Variants in KRT74 observed in about 807,000 individuals in gnomAD.
The protein encoded by KRT74 is keratin 74, also known as keratin, type II cytoskeletal 74.
Under a neutral mutation model 42.7 loss-of-function variants are expected in KRT74, and 43 were observed. That is an observed-to-expected ratio of 1.01 (90% CI 0.79 to 1.30). The LOEUF (loss-of-function observed/expected upper bound fraction) is 1.30, where lower values mean the gene tolerates loss of function less well. Ranked by LOEUF, KRT74 falls within the 50% of genes most tolerant of loss-of-function variation. The pLI is 0.00. For missense variants in KRT74, 736 were observed against 689.1 expected, an observed-to-expected ratio of 1.07 and a Z score of -0.76; for synonymous variants, 302 against 279.0, an observed-to-expected ratio of 1.08 and a Z score of -0.82.
chr12:52,569,236 G>A (rs1392902549), intron 6 of KRT74, among the ~76,000 whole-genome samples: 1 of 151,978 alleles, frequency 6.6e-6, no homozygotes, highest in East Asian at 1.9e-4. Flanking sequence ...AAAATTTGCT[G>A]CTGTCAGGTA....
chr12:52,568,417 C>T (rs1337165730), intron 6 of KRT74, 28 bp from the exon 7 acceptor site: 5 of 1,610,528 alleles, frequency 3.1e-6, no homozygotes, highest in Non-Finnish European at 4.2e-6. Flanking sequence ...GAGAGACCAT[C>T]AGAACAGAAA....
intron 6 of KRT74, 114 bp from the exon 7 acceptor site, chr12:52,568,503 A>C: frequency 3.7e-6 from 4 of 1,088,124 alleles, no homozygotes; most frequent in South Asian, 2.7e-5. Context: ...ACAAGGAGTA[A>C]AAGCTGCAAA....
In KRT74 at chr12:52,569,841, T is replaced by C. The variant is rs73107555; in HGVS notation, c.1134+18A>G. On this transcript the variant is annotated intron_variant, in intron 6 of 8. Coordinates refer to ENST00000305620, the MANE Select transcript of KRT74 (RefSeq NM_175053.4). ...CCTGCTGTGGAGACCGGGAGTTCTT[T>C]GTGGGGCTGCTGCCCACCTGCTTCT... 1.2e-6 allele frequency: 2 copies of C among 1,614,124 alleles called. No individual in the cohort carries two copies. The highest frequency in any genetic ancestry group is 2.2e-5 in the East Asian group (1 of 44,866).
At chr12:52,571,212 C>A in intron 4 of KRT74, 147 bp downstream of exon 4, 2 of 681,040 alleles carry the variant, frequency 2.9e-6, no homozygotes, top group Non-Finnish European at 2.7e-6. Flanking sequence ...CAGCATCCTG[C>A]ACTTCCATGG....
intron 1 of KRT74, 48 bp downstream of exon 1, chr12:52,573,259 C>T (rs1372668073): frequency 1.3e-6 from 2 of 1,575,716 alleles, no homozygotes; most frequent in African/African-American, 1.4e-5. Context: ...AGCAGGAAAA[C>T]TGCTCAGGCC....
chr12:52,568,137 C>T (rs1195411393), intron 7 of KRT74, 32 bp downstream of exon 7: 2 of 1,613,108 alleles, frequency 1.2e-6, no homozygotes, highest in South Asian at 1.1e-5. Flanking sequence ...CACCCCAGTC[C>T]CTTCTCACAC....
intron 6 of KRT74, among the ~76,000 whole-genome samples, chr12:52,569,208 C>T (rs1037886244): frequency 6.6e-6 from 1 of 152,100 alleles, no homozygotes; most frequent in Non-Finnish European, 1.5e-5. Flanking sequence ...ATATCATCTC[C>T]CCACTGACGC....
At chr12:52,570,606 G>T (rs957640280) in intron 5 of KRT74, 63 bp downstream of exon 5, 68 of 1,551,422 alleles carry the variant, frequency 4.4e-5, no homozygotes, top group Non-Finnish European at 1.7e-5. Flanking sequence ...CACATTCACT[G>T]TGCAGGTGAC....
In KRT74 at chr12:52,573,757, G is replaced by A; in HGVS notation, c.21C>T (p.Ile7=). Residue 7 remains isoleucine, a synonymous_variant, in exon 1 of 9, where the codon ATC becomes ATT. Transcript: ENST00000305620. ...AGTTGCCCTTGTCACCACTGGACTT[G>A]ATGTTCAGTTGCCGACTCATGGTGG... MSRQLN[I]KSSGDKGNFS... 3 of 1,613,636 alleles carry A rather than the reference G, an allele frequency of 1.9e-6. No homozygotes were observed. The highest frequency in any genetic ancestry group is 2.5e-6 in the Non-Finnish European group (3 of 1,179,804).
chr12:52,566,161 C>T lies in KRT74; in HGVS notation c.*808G>A, dbSNP rs1939376292. On this transcript the variant is annotated 3_prime_UTR_variant, in exon 9 of 9. Transcript: ENST00000305620. ...ACAGAAAAAGCATAGATCCTTGTGTCGGCCAGGCCTGACTCTGGCACATAG... is the reference window on the plus strand; with the variant it reads ...ACAGAAAAAGCATAGATCCTTGTGTTGGCCAGGCCTGACTCTGGCACATAG... 6.6e-6 allele frequency: 1 copy of T among 152,232 alleles called. No homozygotes were observed. Among genetic ancestry groups the T allele is most frequent in the African/African-American group, 2.4e-5 (1 of 41,462 alleles). The allele number at this position is 152,232 out of a possible 1,614,324, so 9.4% of individuals were successfully genotyped here.
Position 52,569,928 on chromosome 12 carries a change from C to T in KRT74, c.1065G>A (p.Arg355=), listed in dbSNP as rs773405811. Residue 355 remains arginine (R), a synonymous_variant, in exon 6 of 9, where the codon AGG becomes AGA. Transcript: ENST00000305620. ...GCCGGTTCAGCTCCACCATCTCGCT[C>T]CTGGTGTGTTTCAGGTCGTCACCAT... The part of the protein sequence containing the change: ...SRHGDDLKHT[R]SEMVELNRLI... 5 of 1,614,186 alleles carry T rather than the reference C, an allele frequency of 3.1e-6. No individual in the cohort carries two copies. The South Asian group carries it at 4.4e-5, about 14-fold the overall frequency.
chr12:52,573,721 A>G lies in KRT74; in HGVS notation c.57T>C (p.His19=). ...CAGCCTTCCTTGGCACCACTGCCGA[A>G]TGCACACTGAAGTTGCCCTTGTCAC... is the stretch of plus-strand genomic sequence containing the variant. ...SSGDKGNFSV[H]SAVVPRKAVG... The change falls in exon 1 of 9, where the codon CAT becomes CAC. Residue 19 remains histidine (H), a synonymous_variant. Transcript: ENST00000305620. The G allele has an allele frequency of 6.2e-7, 1 of 1,614,116 alleles. No individual in the cohort carries two copies.
chr12:52,573,705 T>C lies in KRT74; in HGVS notation c.73A>G (p.Arg25Gly). 3.1e-6 allele frequency: 5 copies of C among 1,614,188 alleles called. No individual in the cohort carries two copies. The highest frequency in any genetic ancestry group is 4.2e-6 in the Non-Finnish European group (5 of 1,180,050). The part of the protein sequence containing the change: ...NFSVHSAVVP[R>G]KAVGSLASYC... Reference sequence around the variant, plus strand: ...GAAGCCAGGCTACCCACAGCCTTCCTTGGCACCACTGCCGAATGCACACTG... The same window carrying C: ...GAAGCCAGGCTACCCACAGCCTTCCCTGGCACCACTGCCGAATGCACACTG... Residue 25 changes from arginine to glycine, a missense_variant, in exon 1 of 9, where the codon AGG (arginine) becomes GGG (glycine). Transcript: ENST00000305620.
chr12:52,569,061 T>C (rs1939428128), intron 6 of KRT74, among the ~76,000 whole-genome samples: 1 of 152,152 alleles, frequency 6.6e-6, no homozygotes, highest in South Asian at 2.1e-4. Flanking sequence ...GTTGTCCCTG[T>C]GTTTGCCTGC....
chr12:52,567,765 C>T, intron 7 of KRT74, 72 bp from the exon 8 acceptor site: 1 of 1,077,768 alleles, frequency 9.3e-7, no homozygotes, highest in South Asian at 1.3e-5. Context: ...TGGGCTCCTG[C>T]TTTTATACGT....
At chr12:52,570,106 G>A in intron 5 of KRT74, 122 bp from the exon 6 acceptor site, 3 of 1,143,054 alleles carry the variant, frequency 2.6e-6, no homozygotes, top group Non-Finnish European at 3.8e-6. Flanking sequence ...GAGGAGTGCT[G>A]GGACAGGGTC....
At chr12:52,568,132 C>G (rs1451739687) in intron 7 of KRT74, 37 bp downstream of exon 7, 1 of 1,612,030 alleles carries the variant, frequency 6.2e-7, no homozygotes, top group Non-Finnish European at 8.5e-7. Context: ...AGCCACACCC[C>G]AGTCCCTTCT....
chr12:52,572,316 C>T, intron 2 of KRT74, 137 bp downstream of exon 2: 1 of 916,960 alleles, frequency 1.1e-6, no homozygotes, highest in Non-Finnish European at 1.8e-6. Flanking sequence ...GGCCCTTCCC[C>T]CTAGCCAGAG....
Position 52,567,089 on chromosome 12 carries a change from GC to G in KRT74, c.1469del (p.Gly490AlafsTer71). The G allele has an allele frequency of 1.3e-6, 2 of 1,598,748 alleles. No homozygotes were observed. Among genetic ancestry groups the G allele is most frequent in the Non-Finnish European group, 1.7e-6 (2 of 1,168,434 alleles). The stretch of plus-strand genomic sequence containing the variant: ...GCCCGCTCTGGGTGCTGCCAGAGCT[GC>G]CTGCCACAGCGCTGGCCCCAAGGTC... Reference protein sequence around the residue: ...GVDLGASAVAGSSGSTQSGQT... With the variant: ...GVDLGASAVAXSSGSTQSGQT... On this transcript the variant is annotated frameshift_variant, in exon 9 of 9. Coordinates refer to ENST00000305620, the MANE Select transcript of KRT74 (RefSeq NM_175053.4). LOFTEE classifies it low-confidence loss of function (END_TRUNC).
Sources: allele counts gnomAD v4.1 joint callset (sites outside exome capture counted in the v4.1 genomes callset), GRCh38; gene constraint gnomAD v4.1.1; transcripts MANE v1.5; gene names NCBI Gene and HGNC (gene_info 2026-07-23, HGNC 2026-07-21).